Variants in CHDH observed in about 807,000 individuals in gnomAD.
CHDH encodes the protein choline dehydrogenase, also known as choline dehydrogenase, mitochondrial.
Under a neutral mutation model 56.9 loss-of-function variants are expected in CHDH, and 43 were observed. That is an observed-to-expected ratio of 0.76 (90% CI 0.59 to 0.97). The LOEUF (loss-of-function observed/expected upper bound fraction) is 0.97, where lower values mean the gene tolerates loss of function less well. CHDH is among the 50% of genes least tolerant of loss of function. The pLI is 0.00. For synonymous variants in CHDH, 364 were observed against 348.5 expected, an observed-to-expected ratio of 1.04 and a Z score of -0.50; for missense variants, 816 against 821.1, an observed-to-expected ratio of 0.99 and a Z score of 0.08.
intron 2 of CHDH, among the ~76,000 whole-genome samples, chr3:53,829,678 G>A (rs1236130538): frequency 6.6e-6 from 1 of 152,154 alleles, no homozygotes; most frequent in African/African-American, 2.4e-5. Flanking sequence ...GAATAAAAAA[G>A]CTCTGGCATT....
rs1238461927 is a variant in CHDH, at chr3:53,823,681, CTG to C, written c.326_327del (p.Thr109ArgfsTer125). 2.6e-6 allele frequency: 4 copies of C among 1,547,986 alleles called. No individual in the cohort carries two copies. The African/African-American group carries it at 4.1e-5, about 16-fold the overall frequency. ...CDDRYNWCYHTEVQRGLDGRV... is the reference protein window; with the variant it reads ...CDDRYNWCYHXEVQRGLDGRV... ...CGGCCGTCCAGGCCCCGCTGCACCT[CTG>C]TGTGGTAGCACCAGTTGTACCTGTC... On this transcript the variant is annotated frameshift_variant, in exon 3 of 9. Coordinates refer to ENST00000315251, the MANE Select transcript of CHDH (RefSeq NM_018397.5). LOFTEE classifies it high-confidence loss of function.
At chr3:53,825,712 A>T (rs988960642) in intron 2 of CHDH, among the ~76,000 whole-genome samples, 15 of 152,198 alleles carry the variant, frequency 9.9e-5, no homozygotes, top group East Asian at 3.8e-4. Flanking sequence ...AAGACAAAAC[A>T]CTATGGATTC....
Position 53,817,683 on chromosome 3 carries a change from A to T in CHDH, c.*94T>A. The T allele has an allele frequency of 1.9e-6, 2 of 1,067,592 alleles. No homozygotes were observed. Among genetic ancestry groups the T allele is most frequent in the South Asian group, 1.6e-5 (1 of 61,840 alleles). The allele number at this position is 1,067,592 out of a possible 1,614,324, so 66.1% of individuals were successfully genotyped here. On this transcript the variant is annotated 3_prime_UTR_variant, in exon 9 of 9. Coordinates refer to ENST00000315251, the MANE Select transcript of CHDH (RefSeq NM_018397.5). ...GGTACCACCTGGGTCCTAGTGTGCT[A>T]GATAGTTTCAGGCAGGAGCCTGGGA...
chr3:53,843,659 A>C (rs1333910983), intron 1 of CHDH, among the ~76,000 whole-genome samples: 1 of 152,108 alleles, frequency 6.6e-6, no homozygotes, highest in African/African-American at 2.4e-5. Context: ...CCATTCAAGC[A>C]TTTAATGAGC....
intron 4 of CHDH, 29 bp downstream of exon 4, chr3:53,822,462 T>C (rs768199874): frequency 6.3e-7 from 1 of 1,589,772 alleles, no homozygotes; most frequent in Non-Finnish European, 8.6e-7. Flanking sequence ...CACCCCCTTC[T>C]TCCAGGACCC....
At position 53,822,580 on chromosome 3, in the gene CHDH, C is replaced by T. The variant is rs1220106565; in HGVS notation, c.766G>A (p.Ala256Thr). 1 of 1,613,052 alleles carries T rather than the reference C, an allele frequency of 6.2e-7. No individual in the cohort carries two copies. Residue 256 changes from alanine to threonine, a missense_variant, in exon 4 of 9, where the codon GCC becomes ACC. Transcript: ENST00000315251. ...HPALSRTNLK[A>T]EAETLVSRVL... ...CTGCTCACAAGCGTCTCGGCCTCGG[C>T]CTTGAGGTTGGTGCGGCTCAGTGCT...
chr3:53,818,294 G>C, intron 8 of CHDH, 99 bp from the exon 9 acceptor site: 2 of 1,138,594 alleles, frequency 1.8e-6, no homozygotes, highest in Non-Finnish European at 2.4e-6. Flanking sequence ...CTGTCTGAGG[G>C]GATGGTGTTT....
At position 53,817,583 on chromosome 3, in the gene CHDH, G is replaced by T. The variant is rs1012158581; in HGVS notation, c.*194C>A. On this transcript the variant is annotated 3_prime_UTR_variant, in exon 9 of 9. Transcript: ENST00000315251. ...AAATGGCCCACAGGGAAAGGCTGGGGAAAAGGAGCTGGATTCACTGCCCAG... is the reference window on the plus strand; with the variant it reads ...AAATGGCCCACAGGGAAAGGCTGGGTAAAAGGAGCTGGATTCACTGCCCAG... 29 of 560,604 alleles carry T rather than the reference G, an allele frequency of 5.2e-5. No homozygotes were observed. In the African/African-American group the frequency reaches 5.4e-4, roughly 11 times the overall value. The allele number at this position is 560,604 out of a possible 1,614,324, so 34.7% of individuals were successfully genotyped here.
At chr3:53,829,341 T>C (rs1698262783) in intron 2 of CHDH, among the ~76,000 whole-genome samples, 1 of 152,156 alleles carries the variant, frequency 6.6e-6, no homozygotes, top group East Asian at 1.9e-4. Flanking sequence ...TCCAAACCTA[T>C]AGAATGTGCA....
rs2095621901 is a variant in CHDH at position 53,819,454 on chromosome 3, GCCTTGGAAGATGGGAGCATCTTCCTT to G, written c.1263+52_1263+77del. The G allele has an allele frequency of 5.2e-6, 8 of 1,529,854 alleles. No individual in the cohort carries two copies. The highest frequency in any genetic ancestry group is 7.1e-6 in the Non-Finnish European group (8 of 1,132,786). 94.8% of individuals were successfully genotyped at this position (1,529,854 alleles called of 1,614,324 possible). A position where few individuals can be genotyped will look rare whatever the true frequency, so the allele number is the denominator to read the frequency against. On this transcript the variant is annotated intron_variant, in intron 7 of 8. Coordinates refer to ENST00000315251, the MANE Select transcript of CHDH (RefSeq NM_018397.5). This position sits in a 1 kb window ranked among gnomAD's most constrained non-coding sequence, Gnocchi z 5.4. ...GCCATATGGCACCAGGGAGAATGCTGCCTTGGAAGATGGGAGCATCTTCCTTCCTGGTGGGAAGGAGACATCCTGGG... is the reference window on the plus strand; with the variant it reads ...GCCATATGGCACCAGGGAGAATGCTGCCTGGTGGGAAGGAGACATCCTGGG...
chr3:53,823,675 G>A lies in CHDH; in HGVS notation c.334C>T (p.Gln112Ter). 1 of 1,547,202 alleles carries A rather than the reference G, an allele frequency of 6.5e-7. No individual in the cohort carries two copies. ...RYNWCYHTEV[Q>*]RGLDGRVLYW... ...AGCACGCGGCCGTCCAGGCCCCGCT[G>A]CACCTCTGTGTGGTAGCACCAGTTG... The change falls in exon 3 of 9, where the codon CAG (glutamine) becomes TAG (stop). Residue 112 changes from glutamine to a stop codon, truncating the protein, a stop_gained. Transcript: ENST00000315251. LOFTEE classifies it high-confidence loss of function.
At chr3:53,841,158 T>A (rs1201674775) in intron 1 of CHDH, among the ~76,000 whole-genome samples, 159 bp from the exon 2 acceptor site, 1 of 152,180 alleles carries the variant, frequency 6.6e-6, no homozygotes, top group African/African-American at 2.4e-5. Flanking sequence ...TCATCATATT[T>A]TAAAAATTGG....
Position 53,819,463 on chromosome 3 carries a change from G to A in CHDH, c.1263+69C>T, listed in dbSNP as rs149110747. ...CACCAGGGAGAATGCTGCCTTGGAA[G>A]ATGGGAGCATCTTCCTTCCTGGTGG... On this transcript the variant is annotated intron_variant, in intron 7 of 8. Transcript: ENST00000315251. This position sits in a 1 kb window ranked among gnomAD's most constrained non-coding sequence, Gnocchi z 5.4. 0.011 allele frequency: 17,283 copies of A among 1,542,842 alleles called. 118 individuals are homozygous for A. The highest frequency in any genetic ancestry group is 0.02 in the South Asian group (1,576 of 79,550).
chr3:53,838,810 C>T (rs1162136136), intron 2 of CHDH, among the ~76,000 whole-genome samples: 2 of 152,194 alleles, frequency 1.3e-5, no homozygotes, highest in African/African-American at 4.8e-5. Context: ...TAAAAATGCA[C>T]TATCCGGGGA....
intron 3 of CHDH, among the ~76,000 whole-genome samples, chr3:53,822,964 C>T (rs2095630690): frequency 6.6e-6 from 1 of 152,154 alleles, no homozygotes; most frequent in Non-Finnish European, 1.5e-5. Context: ...CTCTGTCCTG[C>T]TGTGAGCAAG....
chr3:53,823,399 C>T lies in CHDH; in HGVS notation c.610G>A (p.Glu204Lys), dbSNP rs771398046. The T allele has an allele frequency of 4.6e-5, 74 of 1,603,998 alleles. 1 individual carries two copies. The Middle Eastern group carries it at 1.2e-3, about 25-fold the overall frequency. Residue 204 changes from glutamate (E) to lysine (K), a missense_variant, in exon 3 of 9, where the codon GAG (glutamate) becomes AAG (lysine). By Grantham distance (56) the Glu-to-Lys change is moderately conservative (BLOSUM62 1). Coordinates refer to ENST00000315251, the MANE Select transcript of CHDH (RefSeq NM_018397.5). ...TNHPLHCAFLEATQQAGYPLT... is the reference protein window; with the variant it reads ...TNHPLHCAFLKATQQAGYPLT... Reference sequence around the variant, plus strand: ...GGGTAGCCGGCCTGCTGCGTGGCCTCCAGGAATGCGCAGTGCAGCGGGTGG... The same window carrying T: ...GGGTAGCCGGCCTGCTGCGTGGCCTTCAGGAATGCGCAGTGCAGCGGGTGG...
chr3:53,829,660 G>C (rs1037456809), intron 2 of CHDH, among the ~76,000 whole-genome samples: 1 of 152,148 alleles, frequency 6.6e-6, no homozygotes, highest in African/African-American at 2.4e-5. Flanking sequence ...CCCCACACCT[G>C]GGCAAGTGAA....
At chr3:53,826,181 A>C (rs1406456884) in intron 2 of CHDH, among the ~76,000 whole-genome samples, 1 of 152,138 alleles carries the variant, frequency 6.6e-6, no homozygotes, top group Non-Finnish European at 1.5e-5. Context: ...GGTGATTTCT[A>C]TCAACCATTT....
rs34336629 is a variant in CHDH at position 53,818,026 on chromosome 3, G to A, written c.1536C>T (p.Pro512=). The change falls in exon 9 of 9, where the codon CCC becomes CCT. Residue 512 remains proline (P), a synonymous_variant. Transcript: ENST00000315251. The part of the protein sequence containing the change: ...VRAKADSAYH[P]SCTCKMGQPS... Reference sequence around the variant, plus strand: ...GCTGGCCCATCTTACAGGTGCACGAGGGGTGGTAGGCGCTGTCGGCTTTTG... The same window carrying A: ...GCTGGCCCATCTTACAGGTGCACGAAGGGTGGTAGGCGCTGTCGGCTTTTG... 8.2e-5 allele frequency: 132 copies of A among 1,614,120 alleles called. No homozygotes were observed. The highest frequency in any genetic ancestry group is 1.1e-4 in the Non-Finnish European group (126 of 1,180,054).
Sources: gnomAD v4.1 joint callset for allele counts (sites outside exome capture counted in the v4.1 genomes callset) on GRCh38, gnomAD v4.1.1 for gene constraint, Gnocchi (gnomAD v3.1) non-coding constraint, MANE v1.5 for transcripts, NCBI Gene and HGNC (gene_info 2026-07-23, HGNC 2026-07-21) for gene names.